ATXN10: variants seen among roughly 807,000 people sequenced by gnomAD.
The protein encoded by ATXN10 is ataxin-10.
Under a neutral mutation model 52.9 loss-of-function variants are expected in ATXN10, and 28 were observed. The ratio of observed to expected loss-of-function variants is 0.53; its 90% CI spans 0.39 to 0.73. ATXN10 has a LOEUF of 0.73. Ranked by LOEUF, ATXN10 falls within the 30% of genes least tolerant of loss-of-function variation. ATXN10 has a pLI of 0.00. For missense variants in ATXN10, 565 were observed against 577.0 expected (o/e 0.98, Z 0.21); for synonymous variants, 226 against 221.5 (o/e 1.02, Z -0.18).
In ATXN10 at chr22:45,737,690, CTTTT is replaced by C. The variant is rs544284810; in HGVS notation, c.895-1022_895-1019del. Among the ~76,000 whole-genome samples, 259 of 123,220 alleles carry C rather than the reference CTTTT, an allele frequency of 2.1e-3. 3 individuals carry two copies. The highest frequency in any genetic ancestry group is 0.014 in the East Asian group (61 of 4,286). 80.8% of individuals were successfully genotyped at this position (123,220 alleles called of 152,430 possible). On this transcript the variant is annotated intron_variant, in intron 7 of 11. Coordinates refer to ENST00000252934, the MANE Select transcript of ATXN10 (RefSeq NM_013236.4). ...GTCTTTCTTTTGAAGAATGTTATCTCTTTTTTTTTTTTTTTTTTTTTTGTTTGAG... is the reference window on the plus strand; with the variant it reads ...GTCTTTCTTTTGAAGAATGTTATCTCTTTTTTTTTTTTTTTTTTGTTTGAG...
At position 45,681,659 on chromosome 22, in the gene ATXN10, T is replaced by C. The variant is rs1012894444; in HGVS notation, c.117-8053T>C. ...ACCTTTGCGACAGTACCCAAATAGCTGAACAAGGCTAGAGAAAAACATACA... is the reference window on the plus strand; with the variant it reads ...ACCTTTGCGACAGTACCCAAATAGCCGAACAAGGCTAGAGAAAAACATACA... On this transcript the variant is annotated intron_variant, in intron 1 of 11. Coordinates refer to ENST00000252934, the MANE Select transcript of ATXN10 (RefSeq NM_013236.4). This position sits in a 1 kb window ranked among gnomAD's most constrained non-coding sequence, Gnocchi z 4.2. Among the ~76,000 whole-genome samples the C allele has an allele frequency of 3.3e-5, 5 of 152,210 alleles. No homozygotes were observed. The highest frequency in any genetic ancestry group is 5.9e-5 in the Non-Finnish European group (4 of 68,046).
intron 9 of ATXN10, among the ~76,000 whole-genome samples, chr22:45,803,037 T>G (rs893277717): frequency 6.6e-6 from 1 of 152,252 alleles, no homozygotes; most frequent in Non-Finnish European, 1.5e-5. Flanking sequence ...AATGAACTAA[T>G]TGCATTTAAC....
chr22:45,803,255 A>C (rs907199515), intron 9 of ATXN10, among the ~76,000 whole-genome samples: 3 of 152,150 alleles, frequency 2.0e-5, no homozygotes, highest in African/African-American at 7.2e-5. Context: ...CTGGCTCCAC[A>C]GTGGCCACTC....
At position 45,772,654 on chromosome 22, in the gene ATXN10, T is replaced by C. The variant is rs1358256380; in HGVS notation, c.1173+32116T>C. Among the ~76,000 whole-genome samples the C allele has an allele frequency of 6.6e-6, 1 of 152,238 alleles. No individual in the cohort carries two copies. Among genetic ancestry groups the C allele is most frequent in the Non-Finnish European group, 1.5e-5 (1 of 68,032 alleles). On this transcript the variant is annotated intron_variant, in intron 9 of 11. Transcript: ENST00000252934. This position sits in a 1 kb window ranked among gnomAD's most constrained non-coding sequence, Gnocchi z 4.1. Reference sequence around the variant, plus strand: ...TACAGCTCTCTTTGGGGGGAATCAATGTCTTACTGTGTTGAGTCTTCCAAT... The same window carrying C: ...TACAGCTCTCTTTGGGGGGAATCAACGTCTTACTGTGTTGAGTCTTCCAAT...
intron 9 of ATXN10, among the ~76,000 whole-genome samples, chr22:45,796,130 A>C (rs541729461): frequency 2.0e-5 from 3 of 152,216 alleles, no homozygotes; most frequent in Non-Finnish European, 2.9e-5. Context: ...AAACGAATGC[A>C]TTCCCAGGGG....
intron 6 of ATXN10, among the ~76,000 whole-genome samples, chr22:45,723,220 A>G (rs547506356): frequency 2.6e-5 from 4 of 152,212 alleles, no homozygotes; most frequent in South Asian, 2.1e-4. Context: ...ATAGATAGGT[A>G]TATCTATATT....
chr22:45,702,550 TC>T (rs1923880123), intron 4 of ATXN10, 138 bp from the exon 5 acceptor site: 7 of 725,530 alleles, frequency 9.6e-6, no homozygotes, highest in Admixed American at 2.8e-5. Flanking sequence ...CAGTAAATAA[TC>T]TACTTATTTT....
At chr22:45,796,027 G>T (rs957955091) in intron 9 of ATXN10, among the ~76,000 whole-genome samples, 4 of 152,220 alleles carry the variant, frequency 2.6e-5, no homozygotes, top group African/African-American at 9.6e-5. Context: ...CTGCCTGCAG[G>T]GCCGGGCAGA....
intron 1 of ATXN10, chr22:45,673,655 A>G (rs1340168046): frequency 6.6e-6 from 1 of 152,194 alleles, no homozygotes; most frequent in African/African-American, 2.4e-5. Context: ...TATCAGGCAT[A>G]TTTGGGAAAT....
rs1217371310 is a variant in ATXN10, at chr22:45,750,397, A to C, written c.1173+9859A>C. ...AGGTGTGAGTCACCACGCCCGGCCG[A>C]CAACAGTGATTTTAAATGGATTTGT... On this transcript the variant is annotated intron_variant, in intron 9 of 11. Transcript: ENST00000252934. This position sits in a 1 kb window ranked among gnomAD's most constrained non-coding sequence, Gnocchi z 4.2. Among the ~76,000 whole-genome samples, 1 of 152,136 alleles carries C rather than the reference A, an allele frequency of 6.6e-6. No individual in the cohort carries two copies.
chr22:45,799,740 C>T (rs1391212985), intron 9 of ATXN10, among the ~76,000 whole-genome samples: 1 of 152,082 alleles, frequency 6.6e-6, no homozygotes, highest in Non-Finnish European at 1.5e-5. Flanking sequence ...TTAAGGCAGC[C>T]CTACCAAACT....
Position 45,805,841 on chromosome 22 carries a change from T to C in ATXN10, c.1174-1118T>C. Among the ~76,000 whole-genome samples the C allele has an allele frequency of 6.6e-6, 1 of 152,122 alleles. No individual in the cohort carries two copies. Among genetic ancestry groups the C allele is most frequent in the East Asian group, 1.9e-4 (1 of 5,196 alleles). On this transcript the variant is annotated intron_variant, in intron 9 of 11. Transcript: ENST00000252934. The surrounding 1 kb of genome is among the most constrained non-coding windows in gnomAD (Gnocchi z 4.4). ...AAATTGCACACTTTAAAAGTGTGAA[T>C]TTTATAGTTTGTGATGATGTCTCAG...
At chr22:45,758,180 C>T (rs1055765337) in intron 9 of ATXN10, among the ~76,000 whole-genome samples, 1 of 152,222 alleles carries the variant, frequency 6.6e-6, no homozygotes, top group Non-Finnish European at 1.5e-5. Context: ...GGCTCAGAGT[C>T]GTCCACACTG....
rs1263266954 is a variant in ATXN10 at position 45,843,434 on chromosome 22, A to T, written c.1426-235A>T. Reference sequence around the variant, plus strand: ...AAATACAAAAGGCATATCAAAAGTTATACATGGTCTAAAAGTAAGTTACTC... The same window carrying T: ...AAATACAAAAGGCATATCAAAAGTTTTACATGGTCTAAAAGTAAGTTACTC... On this transcript the variant is annotated intron_variant, in intron 11 of 11. Coordinates refer to ENST00000252934, the MANE Select transcript of ATXN10 (RefSeq NM_013236.4). This position sits in a 1 kb window ranked among gnomAD's most constrained non-coding sequence, Gnocchi z 4.5. Among the ~76,000 whole-genome samples, 1 of 152,232 alleles carries T rather than the reference A, an allele frequency of 6.6e-6. No homozygotes were observed. The highest frequency in any genetic ancestry group is 1.5e-5 in the Non-Finnish European group (1 of 68,036).
intron 9 of ATXN10, among the ~76,000 whole-genome samples, chr22:45,747,269 G>A (rs1348836878): frequency 6.6e-6 from 1 of 152,186 alleles, no homozygotes; most frequent in Non-Finnish European, 1.5e-5. Flanking sequence ...ACATTGGAAG[G>A]CTGAGGCGGG....
chr22:45,744,066 A>G lies in ATXN10; in HGVS notation c.1173+3528A>G, dbSNP rs903785000. The stretch of plus-strand genomic sequence containing the variant: ...GTTGGGAGCTCTTGGGGGTCCTCTT[A>G]TCCTTGTTTCTGATTCACCCATTCA... On this transcript the variant is annotated intron_variant, in intron 9 of 11. Coordinates refer to ENST00000252934, the MANE Select transcript of ATXN10 (RefSeq NM_013236.4). The surrounding 1 kb of genome is among the most constrained non-coding windows in gnomAD (Gnocchi z 4.9). 1.3e-5 allele frequency among the ~76,000 whole-genome samples: 2 copies of G among 152,098 alleles called. No individual in the cohort carries two copies. The highest frequency in any genetic ancestry group is 2.4e-5 in the African/African-American group (1 of 41,416).
intron 1 of ATXN10, among the ~76,000 whole-genome samples, chr22:45,685,095 C>CTTT (rs66761568): frequency 7.0e-6 from 1 of 142,556 alleles, no homozygotes; most frequent in Non-Finnish European, 1.5e-5. Flanking sequence ...TAGCATGTAG[C>CTTT]TTTTTTTTTT....
intron 9 of ATXN10, among the ~76,000 whole-genome samples, chr22:45,782,469 C>T (rs1927181939): frequency 6.6e-6 from 1 of 152,166 alleles, no homozygotes; most frequent in Non-Finnish European, 1.5e-5. Flanking sequence ...CGGAATATTA[C>T]ATAGTGGTGA....
Position 45,775,037 on chromosome 22 carries a change from T to C in ATXN10, c.1174-31922T>C, listed in dbSNP as rs1007793575. On this transcript the variant is annotated intron_variant, in intron 9 of 11. Coordinates refer to ENST00000252934, the MANE Select transcript of ATXN10 (RefSeq NM_013236.4). The surrounding 1 kb of genome is among the most constrained non-coding windows in gnomAD (Gnocchi z 4.7). ...TTTCCCCATCCCTTTTTCTGGTAGT[T>C]TGTAAAACTTTAGTGTTGTATTACC... is the stretch of plus-strand genomic sequence containing the variant. Among the ~76,000 whole-genome samples, 1 of 152,246 alleles carries C rather than the reference T, an allele frequency of 6.6e-6. No individual in the cohort carries two copies. Among genetic ancestry groups the C allele is most frequent in the Non-Finnish European group, 1.5e-5 (1 of 68,040 alleles).
Sources: allele counts gnomAD v4.1 joint callset (sites outside exome capture counted in the v4.1 genomes callset), GRCh38; gene constraint gnomAD v4.1.1; non-coding constraint Gnocchi (gnomAD v3.1); transcripts MANE v1.5; gene names NCBI Gene and HGNC (gene_info 2026-07-23, HGNC 2026-07-21).